The following IFT57 variants were observed in gnomAD, a reference collection of about 807,000 sequenced individuals.
IFT57 encodes intraflagellar transport 57.
IFT57 carries 59 observed loss-of-function variants against 56.8 expected under a neutral mutation model. The ratio of observed to expected loss-of-function variants is 1.04; its 90% CI spans 0.84 to 1.29. The LOEUF (loss-of-function observed/expected upper bound fraction) is 1.29, where lower values mean the gene tolerates loss of function less well. Among genes scored for constraint, IFT57 ranks in the 50% most tolerant of loss-of-function variants. The pLI is 0.00. For missense variants in IFT57, 470 were observed against 522.1 expected, an observed-to-expected ratio of 0.90 and a Z score of 0.97; for synonymous variants, 209 against 186.1, an observed-to-expected ratio of 1.12 and a Z score of -1.00.
intron 6 of IFT57, among the ~76,000 whole-genome samples, chr3:108,186,865 T>C (rs935786312): frequency 6.6e-6 from 1 of 152,174 alleles, no homozygotes; most frequent in Non-Finnish European, 1.5e-5. Context: ...ACTTAATGAA[T>C]AGTAAATATA....
intron 6 of IFT57, among the ~76,000 whole-genome samples, chr3:108,185,545 A>G (rs932822376): frequency 2.0e-5 from 3 of 146,648 alleles, no homozygotes; most frequent in Admixed American, 6.9e-5. Context: ...AGATGTGAGC[A>G]CTAGGATTTT....
At position 108,162,583 on chromosome 3, in the gene IFT57, C is replaced by A. The variant is rs1336850921; in HGVS notation, c.1184G>T (p.Gly395Val). 1 of 1,612,808 alleles carries A rather than the reference C, an allele frequency of 6.2e-7. No individual in the cohort carries two copies. The highest frequency in any genetic ancestry group is 2.2e-5 in the East Asian group (1 of 44,848). ...TTGGAGTAGTGTGTGTTCCACAATG[C>A]CAATTCTAATGTCCATCTCTACAGT... is the stretch of plus-strand genomic sequence containing the variant. ...QETVEMDIRI[G>V]IVEHTLLQSK... Residue 395 changes from glycine (G) to valine (V), a missense_variant, in exon 11 of 11, where the codon GGC becomes GTC. Physicochemically the swap from Gly to Val is moderately radical, Grantham distance 109. Transcript: ENST00000264538.
chr3:108,162,586 A>G lies in IFT57; in HGVS notation c.1181T>C (p.Ile394Thr), dbSNP rs1380665285. ...KQETVEMDIR[I>T]GIVEHTLLQS... Reference sequence around the variant, plus strand: ...GAGTAGTGTGTGTTCCACAATGCCAATTCTAATGTCCATCTCTACAGTTTC... The same window carrying G: ...GAGTAGTGTGTGTTCCACAATGCCAGTTCTAATGTCCATCTCTACAGTTTC... The change falls in exon 11 of 11, where the codon ATT becomes ACT. Residue 394 changes from isoleucine (I) to threonine (T), a missense_variant. Coordinates refer to ENST00000264538, the MANE Select transcript of IFT57 (RefSeq NM_018010.4). 2 of 1,613,160 alleles carry G rather than the reference A, an allele frequency of 1.2e-6. No individual in the cohort carries two copies. The highest frequency in any genetic ancestry group is 1.7e-5 in the Admixed American group (1 of 59,976).
At chr3:108,178,645 A>C (rs1017107509) in intron 6 of IFT57, among the ~76,000 whole-genome samples, 1 of 151,944 alleles carries the variant, frequency 6.6e-6, no homozygotes, top group Admixed American at 6.6e-5. Context: ...AAGTGGCTCA[A>C]CCTCATAAGT....
At chr3:108,183,938 T>C (rs1464838819) in intron 6 of IFT57, among the ~76,000 whole-genome samples, 8 of 152,150 alleles carry the variant, frequency 5.3e-5, no homozygotes, top group African/African-American at 1.4e-4. Context: ...GCTTCAACTA[T>C]TGTTATATTC....
At chr3:108,221,990 A>T in intron 1 of IFT57, 121 bp downstream of exon 1, 3 of 1,487,034 alleles carry the variant, frequency 2.0e-6, no homozygotes, top group Non-Finnish European at 2.7e-6. Flanking sequence ...TTCCCTGGCT[A>T]GGAAGACGGA....
chr3:108,176,999 C>T (rs2080127808), intron 6 of IFT57, among the ~76,000 whole-genome samples: 1 of 151,702 alleles, frequency 6.6e-6, no homozygotes, highest in Non-Finnish European at 1.5e-5. Context: ...TAAACTCACA[C>T]AGGTCAATCC....
chr3:108,161,043 C>T lies in IFT57; in HGVS notation c.*1434G>A, dbSNP rs564970770. The T allele has an allele frequency of 6.6e-6, 1 of 152,204 alleles. No homozygotes were observed. The highest frequency in any genetic ancestry group is 2.1e-4 in the South Asian group (1 of 4,826). The allele number at this position is 152,204 out of a possible 1,614,324, so 9.4% of individuals were successfully genotyped here. On this transcript the variant is annotated 3_prime_UTR_variant, in exon 11 of 11. Transcript: ENST00000264538. The stretch of plus-strand genomic sequence containing the variant: ...AGGAGAGTTCTGATTTATCTAAAAG[C>T]GTTCTCTGCATTGATTGAATTCATC...
chr3:108,218,768 A>G (rs867047984), intron 2 of IFT57, 115 bp from the exon 3 acceptor site: 2 of 503,852 alleles, frequency 4.0e-6, no homozygotes, highest in Non-Finnish European at 3.6e-6. Context: ...ATGATTTACA[A>G]TAACTGTAAT....
intron 5 of IFT57, among the ~76,000 whole-genome samples, chr3:108,193,002 T>G (rs939555061): frequency 6.6e-6 from 1 of 152,210 alleles, no homozygotes; most frequent in Admixed American, 6.5e-5. Flanking sequence ...CTGTTGAAAC[T>G]GGATAGCGTG....
At chr3:108,195,901 G>GA (rs1470074279) in intron 5 of IFT57, among the ~76,000 whole-genome samples, 1 of 151,990 alleles carries the variant, frequency 6.6e-6, no homozygotes, top group East Asian at 1.9e-4. Context: ...TAGTTATATA[G>GA]AAAAAATAAG....
intron 6 of IFT57, among the ~76,000 whole-genome samples, chr3:108,186,913 A>C (rs9839306): frequency 0.097 from 14,827 of 152,204 alleles, 778 homozygotes; most frequent in Middle Eastern, 0.12. Context: ...ATTTTCTTTT[A>C]TCTAGCTTAT....
intron 5 of IFT57, among the ~76,000 whole-genome samples, chr3:108,205,495 T>A (rs1920537): frequency 0.98 from 148,923 of 151,212 alleles, 73,388 homozygotes; most frequent in East Asian, 1. Context: ...AGGATTAATA[T>A]CACTAAGGCA....
chr3:108,206,070 A>C (rs1560122689), intron 5 of IFT57, among the ~76,000 whole-genome samples: 1 of 119,258 alleles, frequency 8.4e-6, no homozygotes, highest in Admixed American at 9.4e-5. Context: ...ATATATAATA[A>C]TATATTATAT....
intron 6 of IFT57, among the ~76,000 whole-genome samples, chr3:108,171,494 G>C (rs1249181560): frequency 1.3e-5 from 2 of 151,816 alleles, no homozygotes; most frequent in African/African-American, 4.8e-5. Flanking sequence ...CAGAATTGGA[G>C]AGCTGAAAAG....
At chr3:108,216,685 T>C (rs2080374757) in intron 3 of IFT57, among the ~76,000 whole-genome samples, 1 of 152,236 alleles carries the variant, frequency 6.6e-6, no homozygotes. Context: ...CCCATGTTTA[T>C]TGCAGCACTA....
chr3:108,167,808 A>C lies in IFT57; in HGVS notation c.834T>G (p.Ala278=). ...MHQHRSGIES[A]LKETKGFLDK... is the part of the protein sequence containing the mutation. ...ATTCATATACCTTGGTCTCCTTTAG[A>C]GCAGATTCAATTCCACTTCTGTGCT... Residue 278 remains alanine, a synonymous_variant, in exon 7 of 11, where the codon GCT becomes GCG. Coordinates refer to ENST00000264538, the MANE Select transcript of IFT57 (RefSeq NM_018010.4). The C allele has an allele frequency of 6.3e-7, 1 of 1,590,266 alleles. No homozygotes were observed. The highest frequency in any genetic ancestry group is 8.6e-7 in the Non-Finnish European group (1 of 1,168,778).
At chr3:108,177,370 A>C (rs1010317416) in intron 6 of IFT57, among the ~76,000 whole-genome samples, 1 of 151,864 alleles carries the variant, frequency 6.6e-6, no homozygotes, top group African/African-American at 2.4e-5. Context: ...TGAGACCTGC[A>C]TAACATTATA....
chr3:108,177,199 T>C (rs1437367250), intron 6 of IFT57, among the ~76,000 whole-genome samples: 1 of 151,818 alleles, frequency 6.6e-6, no homozygotes, highest in African/African-American at 2.4e-5. Flanking sequence ...ATTGAAAACA[T>C]TCTTAGGATA....
Sources: allele counts gnomAD v4.1 joint callset (sites outside exome capture counted in the v4.1 genomes callset), GRCh38; gene constraint gnomAD v4.1.1; transcripts MANE v1.5; gene names NCBI Gene and HGNC (gene_info 2026-07-23, HGNC 2026-07-21).